NRG3: variants seen among roughly 807,000 people sequenced by gnomAD.
NRG3 encodes pro-neuregulin-3, membrane-bound isoform.
In NRG3, 31 loss-of-function variants were observed where a neutral mutation model predicts 66.9. The observed-to-expected ratio is 0.46, with a 90% confidence interval of 0.35 to 0.63. The LOEUF is 0.63. Among genes scored for constraint, NRG3 ranks in the 20% least tolerant of loss-of-function variants. The probability of loss-of-function intolerance (pLI) is 0.00; values close to 1 mark genes in which losing one functional copy is unlikely to be tolerated. For synonymous variants in NRG3, 393 were observed against 359.4 expected (o/e 1.09, Z -1.06); for missense variants, 910 against 878.9 (o/e 1.04, Z -0.45).
chr10:82,522,791 T>C (rs1590469695), intron 2 of NRG3, among the ~76,000 whole-genome samples: 1 of 152,318 alleles, frequency 6.6e-6, no homozygotes, highest in East Asian at 1.9e-4. Flanking sequence ...ATAATTCCTG[T>C]CGTACAATTT....
At chr10:82,942,766 C>G (rs149315431) in intron 4 of NRG3, among the ~76,000 whole-genome samples, 581 of 152,258 alleles carry the variant, frequency 3.8e-3, no homozygotes, top group Non-Finnish European at 5.9e-3. Flanking sequence ...CTCTTATCCT[C>G]TTATCCATTG....
chr10:82,212,460 T>C (rs2075445274), intron 1 of NRG3, among the ~76,000 whole-genome samples: 1 of 152,228 alleles, frequency 6.6e-6, no homozygotes, highest in Non-Finnish European at 1.5e-5. Flanking sequence ...ATTTACAAAG[T>C]GCTTTCGCAT....
At chr10:82,322,057 C>A (rs2081607183) in intron 1 of NRG3, among the ~76,000 whole-genome samples, 1 of 152,124 alleles carries the variant, frequency 6.6e-6, no homozygotes, top group African/African-American at 2.4e-5. Context: ...TTATTAGTAT[C>A]TATTCTCCTG....
At chr10:82,175,147 A>G (rs569395402) in intron 1 of NRG3, among the ~76,000 whole-genome samples, 14 of 152,210 alleles carry the variant, frequency 9.2e-5, no homozygotes, top group African/African-American at 3.1e-4. Context: ...ACTTTCTGTC[A>G]TCCTCTCTGA....
At chr10:82,195,538 C>T (rs1337091725) in intron 1 of NRG3, among the ~76,000 whole-genome samples, 2 of 152,104 alleles carry the variant, frequency 1.3e-5, no homozygotes, top group African/African-American at 2.4e-5. Flanking sequence ...CTCTATAAAA[C>T]AGTCTTATGC....
At chr10:82,085,342 A>G (rs1014689295) in intron 1 of NRG3, among the ~76,000 whole-genome samples, 2 of 152,162 alleles carry the variant, frequency 1.3e-5, no homozygotes, top group Non-Finnish European at 2.9e-5. Flanking sequence ...ACCATATAGG[A>G]TAAGCAGGGT....
intron 3 of NRG3, among the ~76,000 whole-genome samples, chr10:82,744,296 C>T (rs1343486920): frequency 6.6e-6 from 1 of 152,146 alleles, no homozygotes; most frequent in Non-Finnish European, 1.5e-5. Context: ...AACTGGGTGG[C>T]TTATAAACAA....
chr10:82,924,670 G>A (rs529058842), intron 4 of NRG3, among the ~76,000 whole-genome samples: 5 of 151,920 alleles, frequency 3.3e-5, no homozygotes, highest in Admixed American at 3.3e-4. Flanking sequence ...AAGCTACCTG[G>A]TAGTGTAATT....
At chr10:82,225,332 A>G (rs1046907112) in intron 1 of NRG3, 4 of 152,240 alleles carry the variant, frequency 2.6e-5, no homozygotes, top group African/African-American at 7.2e-5. Context: ...TAGAAGCTAC[A>G]TTAATTAGAC....
chr10:82,667,078 C>T (rs555809999), intron 2 of NRG3, among the ~76,000 whole-genome samples: 28 of 152,168 alleles, frequency 1.8e-4, no homozygotes, highest in Admixed American at 4.6e-4. Flanking sequence ...GCAGAGCGCC[C>T]CTGCCTCTAC....
At chr10:82,119,386 A>C (rs1309393693) in intron 1 of NRG3, among the ~76,000 whole-genome samples, 1 of 152,170 alleles carries the variant, frequency 6.6e-6, no homozygotes, top group Admixed American at 6.6e-5. Context: ...TCACAAAAAA[A>C]GTTATAAAAT....
intron 1 of NRG3, among the ~76,000 whole-genome samples, chr10:82,237,239 C>CTGCCTCAGCACTTTTGAACATTTTA (rs1393700597): frequency 1.5e-4 from 23 of 152,128 alleles, no homozygotes; most frequent in Non-Finnish European, 2.4e-4. Flanking sequence ...AAATTATTTT[C>CTGCCTCAGCACTTTTGAACATTTTA]TGCCTCAGCA....
rs71471761 is a variant in NRG3, at chr10:82,919,062, A to AGTGTGTGT, written c.1055-32376_1055-32369dup. On this transcript the variant is annotated intron_variant, in intron 4 of 8. Coordinates refer to ENST00000372141, the MANE Select transcript of NRG3 (RefSeq NM_001010848.4). ...TGGTAGGTAAGCTGAATAGGGGTGG[A>AGTGTGTGT]GTGTGTGTGTGTGTGTGTGTGTGTG... Among the ~76,000 whole-genome samples the AGTGTGTGT allele has an allele frequency of 4.0e-3, 563 of 141,824 alleles. 6 individuals carry two copies. Among genetic ancestry groups the AGTGTGTGT allele is most frequent in the Middle Eastern group, 0.018 (5 of 284 alleles). The allele number at this position is 141,824 out of a possible 152,430, so 93.0% of individuals were successfully genotyped here. A position where few individuals can be genotyped will look rare whatever the true frequency, so the allele number is the denominator to read the frequency against.
chr10:81,878,190 GC>G, intron 1 of NRG3: 1 of 1,129,250 alleles, frequency 8.9e-7, no homozygotes, highest in Non-Finnish European at 1.2e-6. Context: ...AGGGCCCTCA[GC>G]CCCAAGGAAA....
intron 4 of NRG3, among the ~76,000 whole-genome samples, chr10:82,886,610 A>C (rs1305190286): frequency 6.6e-6 from 1 of 152,206 alleles, no homozygotes; most frequent in Non-Finnish European, 1.5e-5. Flanking sequence ...TATTTCCATG[A>C]ATAGTTTATA....
At chr10:82,272,303 C>A (rs565404486) in intron 1 of NRG3, among the ~76,000 whole-genome samples, 1 of 151,872 alleles carries the variant, frequency 6.6e-6, no homozygotes, top group African/African-American at 2.4e-5. Context: ...AAAGAAGGGC[C>A]AGTTGGTAGC....
chr10:82,106,559 A>G (rs141337250), intron 1 of NRG3, among the ~76,000 whole-genome samples: 768 of 150,976 alleles, frequency 5.1e-3, no homozygotes, highest in Non-Finnish European at 8.1e-3. Context: ...AGGCTGGAGT[A>G]AAGTTGCACA....
intron 1 of NRG3, among the ~76,000 whole-genome samples, chr10:82,012,559 T>C (rs1234654777): frequency 1.3e-5 from 2 of 152,184 alleles, no homozygotes; most frequent in African/African-American, 2.4e-5. Flanking sequence ...ATTTTCCAAA[T>C]TTTTATGCTC....
rs1853470485 is a variant in NRG3, at chr10:82,986,897, A to G, written c.*1292A>G. ...GGCTTCTGTGGTTAGTATGGGAAGA[A>G]TAAATTGTTGAAATAAAAATACCCA... On this transcript the variant is annotated 3_prime_UTR_variant, in exon 9 of 9. Transcript: ENST00000372141. 6.6e-6 allele frequency: 1 copy of G among 152,218 alleles called. No individual in the cohort carries two copies. The highest frequency in any genetic ancestry group is 6.5e-5 in the Admixed American group (1 of 15,280). The allele number at this position is 152,218 out of a possible 1,614,324, so 9.4% of individuals were successfully genotyped here.
Sources: allele counts gnomAD v4.1 joint callset (sites outside exome capture counted in the v4.1 genomes callset), GRCh38; gene constraint gnomAD v4.1.1; transcripts MANE v1.5; gene names NCBI Gene and HGNC (gene_info 2026-07-23, HGNC 2026-07-21).